Variants in WDR17 observed in about 807,000 individuals in gnomAD.
The protein encoded by WDR17 is WD repeat-containing protein 17.
Under a neutral mutation model 161.7 loss-of-function variants are expected in WDR17, and 143 were observed. The ratio of observed to expected loss-of-function variants is 0.88; its 90% CI spans 0.77 to 1.02. The LOEUF (loss-of-function observed/expected upper bound fraction) is 1.02, where lower values mean the gene tolerates loss of function less well. Ranked by LOEUF, WDR17 falls within the 50% of genes least tolerant of loss-of-function variation. The pLI, the probability that WDR17 is intolerant of heterozygous loss-of-function variation, is 0.00. For missense variants in WDR17, 1,469 were observed against 1,520.9 expected, an observed-to-expected ratio of 0.97 and a Z score of 0.57; for synonymous variants, 517 against 515.6, an observed-to-expected ratio of 1.00 and a Z score of -0.04.
At chr4:176,161,076 A>G in intron 20 of WDR17, 74 bp downstream of exon 20, 1 of 1,253,158 alleles carries the variant, frequency 8.0e-7, no homozygotes, top group Middle Eastern at 1.9e-4. Flanking sequence ...AAGTCTCTAT[A>G]ATTCATCCTT....
At chr4:176,128,116 G>A (rs901194320) in intron 5 of WDR17, among the ~76,000 whole-genome samples, 3 of 152,138 alleles carry the variant, frequency 2.0e-5, no homozygotes, top group South Asian at 2.1e-4. Context: ...CTATGAACAT[G>A]TATGTACAGG....
At chr4:176,168,002 C>T (rs1032266890) in intron 22 of WDR17, among the ~76,000 whole-genome samples, 1 of 151,558 alleles carries the variant, frequency 6.6e-6, no homozygotes, top group African/African-American at 2.4e-5. Flanking sequence ...CAAAAATTGC[C>T]CGGGCATGGT....
rs1746832847 is a variant in WDR17 at position 176,149,893 on chromosome 4, G to T, written c.1984G>T (p.Val662Phe). 6.2e-7 allele frequency: 1 copy of T among 1,614,032 alleles called. No individual in the cohort carries two copies. The highest frequency in any genetic ancestry group is 8.5e-7 in the Non-Finnish European group (1 of 1,180,012). Residue 662 changes from valine (V) to phenylalanine (F), a missense_variant, in exon 14 of 29, where the codon GTC becomes TTC. Coordinates refer to ENST00000508596, the MANE Select transcript of WDR17 (RefSeq NM_181265.4). ...TVRLWSLTAL[V>F]TPVQINILAD... ...GAGACTCTGGTCATTAACAGCCTTA[G>T]TCACTCCTGTACAAATAAATATTCT... is the stretch of plus-strand genomic sequence containing the variant.
At chr4:176,157,278 A>G (rs1327036298) in intron 18 of WDR17, among the ~76,000 whole-genome samples, 4 of 152,222 alleles carry the variant, frequency 2.6e-5, no homozygotes, top group African/African-American at 9.6e-5. Context: ...TCTGACATTA[A>G]AAACAGAAAT....
At chr4:176,135,361 G>C (rs1744244699) in intron 8 of WDR17, 85 bp downstream of exon 8, 3 of 1,430,906 alleles carry the variant, frequency 2.1e-6, no homozygotes, top group Non-Finnish European at 2.9e-6. Context: ...TCTTCCTCTT[G>C]ATCTCATCTT....
rs774552072 is a variant in WDR17 at position 176,119,943 on chromosome 4, C to A, written c.384C>A (p.Phe128Leu). The A allele has an allele frequency of 6.2e-6, 10 of 1,614,022 alleles. No individual in the cohort carries two copies. The highest frequency in any genetic ancestry group is 8.5e-6 in the Non-Finnish European group (10 of 1,179,988). Reference sequence around the variant, plus strand: ...TTGTTTCCCACAGAGGCCCACTGTTCATTTGGACCATCTCAGGACCAGATA... The same window carrying A: ...TTGTTTCCCACAGAGGCCCACTGTTAATTTGGACCATCTCAGGACCAGATA... ...VAFVSHRGPL[F>L]IWTISGPDSG... Residue 128 changes from phenylalanine (F) to leucine (L), a missense_variant, in exon 4 of 29, where the codon TTC becomes TTA. By Grantham distance (22) the Phe-to-Leu change is conservative. Transcript: ENST00000508596.
chr4:176,107,915 T>A (rs1176810731), intron 1 of WDR17, among the ~76,000 whole-genome samples: 1 of 137,178 alleles, frequency 7.3e-6, no homozygotes, highest in Non-Finnish European at 1.6e-5. Context: ...TTCCTTCCTT[T>A]TTTCTTCCTT....
At chr4:176,164,597 A>G (rs1749495405) in intron 22 of WDR17, among the ~76,000 whole-genome samples, 1 of 152,114 alleles carries the variant, frequency 6.6e-6, no homozygotes, top group African/African-American at 2.4e-5. Context: ...AATCTGAAAC[A>G]CCTTTGGTCC....
intron 1 of WDR17, chr4:176,098,180 C>A: frequency 5.2e-6 from 1 of 191,922 alleles, no homozygotes; most frequent in East Asian, 1.2e-4. Flanking sequence ...TGGTGCTTAC[C>A]ACAGGCTGTG....
At chr4:176,177,023 G>T (rs1476769695) in intron 26 of WDR17, 35 bp from the exon 27 acceptor site, 2 of 1,463,914 alleles carry the variant, frequency 1.4e-6, no homozygotes, top group Non-Finnish European at 1.9e-6. Context: ...CTTAGTTTTT[G>T]GTATCAGATG....
chr4:176,177,042 C>T lies in WDR17; in HGVS notation c.3450-16C>T. 1 of 1,596,876 alleles carries T rather than the reference C, an allele frequency of 6.3e-7. No individual in the cohort carries two copies. Among genetic ancestry groups the T allele is most frequent in the Non-Finnish European group, 8.6e-7 (1 of 1,166,424 alleles). ...GTTTTTGGTATCAGATGTTAATTTC[C>T]TTTTCACACGTTCAGTCAGCTATTA... On this transcript the variant is annotated splice_polypyrimidine_tract_variant and intron_variant, in intron 26 of 28. Transcript: ENST00000508596.
At chr4:176,155,930 A>G (rs912526196) in intron 17 of WDR17, 149 bp from the exon 18 acceptor site, 2 of 661,688 alleles carry the variant, frequency 3.0e-6, no homozygotes, top group Non-Finnish European at 4.9e-6. Flanking sequence ...TACGGAACAA[A>G]AAGAAGTCAG....
chr4:176,089,169 A>G (rs950699791), intron 1 of WDR17, among the ~76,000 whole-genome samples: 1 of 152,136 alleles, frequency 6.6e-6, no homozygotes, highest in Admixed American at 6.5e-5. Context: ...ATTGTAATCT[A>G]ATGTTTTATA....
intron 1 of WDR17, among the ~76,000 whole-genome samples, chr4:176,084,751 A>ATT (rs1240586742): frequency 8.2e-5 from 12 of 147,176 alleles, no homozygotes; most frequent in African/African-American, 3.0e-4. Flanking sequence ...TACTGTCGAG[A>ATT]TTATATATAT....
At chr4:176,165,032 A>C (rs1055767408) in intron 22 of WDR17, among the ~76,000 whole-genome samples, 1 of 146,250 alleles carries the variant, frequency 6.8e-6, no homozygotes, top group Non-Finnish European at 1.5e-5. Context: ...GTGAAGGTAA[A>C]AAGCAGTAAA....
Position 176,124,853 on chromosome 4 carries a change from C to T in WDR17, c.539-251C>T, listed in dbSNP as rs193096158. 1.1e-3 allele frequency among the ~76,000 whole-genome samples: 172 copies of T among 152,218 alleles called. 1 individual carries two copies. Among genetic ancestry groups the T allele is most frequent in the Middle Eastern group, 0.01 (3 of 294 alleles). The stretch of plus-strand genomic sequence containing the variant: ...ATCTGTATATTTTCTTACTGCTTTT[C>T]GGTAACAAATGGGAGACACATTCAA... On this transcript the variant is annotated intron_variant, in intron 4 of 28. Transcript: ENST00000508596.
chr4:176,092,171 C>T (rs1206301368), intron 1 of WDR17, among the ~76,000 whole-genome samples: 8 of 152,008 alleles, frequency 5.3e-5, no homozygotes, highest in Admixed American at 1.3e-4. Flanking sequence ...CCAGTGTTTC[C>T]GATGAATATT....
chr4:176,069,934 A>G (rs929594332), intron 1 of WDR17, among the ~76,000 whole-genome samples: 10 of 152,222 alleles, frequency 6.6e-5, no homozygotes, highest in Admixed American at 1.3e-4. Flanking sequence ...AACATTATGG[A>G]TGACTTTTAA....
At chr4:176,099,786 T>C (rs533957344) in intron 1 of WDR17, among the ~76,000 whole-genome samples, 3 of 152,212 alleles carry the variant, frequency 2.0e-5, no homozygotes, top group Admixed American at 6.6e-5. Flanking sequence ...ATTCCACTTT[T>C]GTGTCCATGT....
Sources: gnomAD v4.1 joint callset for allele counts (sites outside exome capture counted in the v4.1 genomes callset) on GRCh38, gnomAD v4.1.1 for gene constraint, MANE v1.5 for transcripts, NCBI Gene and HGNC (gene_info 2026-07-23, HGNC 2026-07-21) for gene names.